Variants in RNF150 observed in about 807,000 individuals in gnomAD.
RNF150 encodes ring finger protein 150.
RNF150 carries 24 observed loss-of-function variants against 39.3 expected under a neutral mutation model. The observed-to-expected ratio is 0.61, with a 90% CI of 0.44 to 0.86. RNF150 has a LOEUF of 0.86. RNF150 is among the 40% of genes least tolerant of loss of function. RNF150 has a pLI of 0.00. For missense variants in RNF150, 502 were observed against 587.8 expected, an observed-to-expected ratio of 0.85 and a Z score of 1.51; for synonymous variants, 255 against 227.3, an observed-to-expected ratio of 1.12 and a Z score of -1.10.
At chr4:140,992,533 A>C (rs1246230977) in intron 1 of RNF150, among the ~76,000 whole-genome samples, 1 of 152,174 alleles carries the variant, frequency 6.6e-6, no homozygotes, top group East Asian at 1.9e-4. Flanking sequence ...CCTTGCTCCC[A>C]CTGCTGTTAG....
intron 5 of RNF150, among the ~76,000 whole-genome samples, chr4:140,924,853 C>T (rs1032197623): frequency 2.6e-5 from 4 of 152,156 alleles, no homozygotes; most frequent in African/African-American, 9.7e-5. Flanking sequence ...GCAAATCATA[C>T]AGCAGGCATG....
intron 1 of RNF150, among the ~76,000 whole-genome samples, chr4:141,088,116 C>G (rs1350636592): frequency 1.3e-5 from 2 of 152,122 alleles, no homozygotes; most frequent in African/African-American, 4.8e-5. Context: ...CATATATAAA[C>G]TGAGATGTCA....
At chr4:141,054,879 A>G (rs750617907) in intron 1 of RNF150, among the ~76,000 whole-genome samples, 20 of 152,206 alleles carry the variant, frequency 1.3e-4, no homozygotes, top group Non-Finnish European at 2.5e-4. Context: ...ACAATCATAC[A>G]GAGTACCAGA....
chr4:141,003,131 C>T (rs1734728334), intron 1 of RNF150, among the ~76,000 whole-genome samples: 1 of 151,978 alleles, frequency 6.6e-6, no homozygotes, highest in Non-Finnish European at 1.5e-5. Context: ...CTACTTATTA[C>T]TTATTGGGCC....
At chr4:140,965,022 CA>C in intron 2 of RNF150, among the ~76,000 whole-genome samples, 1 of 151,990 alleles carries the variant, frequency 6.6e-6, no homozygotes, top group Non-Finnish European at 1.5e-5. Flanking sequence ...AAAATAATGT[CA>C]GCTCTCTACT....
At chr4:141,021,923 T>TGA (rs1187599479) in intron 1 of RNF150, among the ~76,000 whole-genome samples, 1 of 152,142 alleles carries the variant, frequency 6.6e-6, no homozygotes, top group African/African-American at 2.4e-5. Flanking sequence ...AGGGAAAACA[T>TGA]GAGAGTTTAG....
At position 140,954,533 on chromosome 4, in the gene RNF150, T is replaced by C. The variant is rs573882004; in HGVS notation, c.736-5161A>G. The stretch of plus-strand genomic sequence containing the variant: ...AAATCATGCTTCTTACTAAAGCTTG[T>C]TAGGTGTTAGGCCATCGTAATAATT... On this transcript the variant is annotated intron_variant, in intron 2 of 6. Coordinates refer to ENST00000515673, the MANE Select transcript of RNF150 (RefSeq NM_020724.2). Among the ~76,000 whole-genome samples, 3 of 152,284 alleles carry C rather than the reference T, an allele frequency of 2.0e-5. No individual in the cohort carries two copies. The East Asian group carries it at 5.8e-4, about 29-fold the overall frequency.
intron 1 of RNF150, among the ~76,000 whole-genome samples, chr4:141,025,901 A>G (rs556843981): frequency 6.6e-6 from 1 of 152,266 alleles, no homozygotes; most frequent in South Asian, 2.1e-4. Flanking sequence ...CAATGTGATG[A>G]TATTTGGACG....
intron 1 of RNF150, among the ~76,000 whole-genome samples, chr4:141,067,248 C>T (rs1270014581): frequency 6.6e-6 from 1 of 152,084 alleles, no homozygotes; most frequent in East Asian, 1.9e-4. Flanking sequence ...AGTAATTGAA[C>T]TTATCTAAAA....
At chr4:141,112,154 T>G (rs1739405275) in intron 1 of RNF150, among the ~76,000 whole-genome samples, 2 of 152,224 alleles carry the variant, frequency 1.3e-5, no homozygotes, top group African/African-American at 4.8e-5. Context: ...AGATGAGGAC[T>G]ATAATATACA....
chr4:140,944,839 A>G (rs901052228), intron 4 of RNF150: 7 of 152,146 alleles, frequency 4.6e-5, no homozygotes, highest in Non-Finnish European at 1.0e-4. Context: ...AGAGTCTATG[A>G]AGTTCATAGG....
chr4:140,878,164 GTTTTT>G (rs58338048), intron 6 of RNF150, among the ~76,000 whole-genome samples: 7 of 90,510 alleles, frequency 7.7e-5, no homozygotes, highest in African/African-American at 2.4e-4. Context: ...ATCTCATTGT[GTTTTT>G]TTTTTTTTTT....
chr4:141,025,277 A>G (rs190656351), intron 1 of RNF150, among the ~76,000 whole-genome samples: 1 of 152,268 alleles, frequency 6.6e-6, no homozygotes, highest in Non-Finnish European at 1.5e-5. Flanking sequence ...TGAAATGATG[A>G]ATATAGTCAT....
intron 1 of RNF150, among the ~76,000 whole-genome samples, chr4:141,170,443 C>T (rs1727694592): frequency 6.6e-6 from 1 of 152,086 alleles, no homozygotes; most frequent in Admixed American, 6.6e-5. Flanking sequence ...ATTTTTTACA[C>T]AACAGATTAA....
chr4:141,067,792 T>C (rs1464094080), intron 1 of RNF150, among the ~76,000 whole-genome samples: 2 of 152,196 alleles, frequency 1.3e-5, no homozygotes, highest in Non-Finnish European at 2.9e-5. Flanking sequence ...AAAGACTTTT[T>C]ATGTCAAGAT....
chr4:140,937,006 C>T (rs1241128327), intron 4 of RNF150, among the ~76,000 whole-genome samples: 1 of 152,130 alleles, frequency 6.6e-6, no homozygotes, highest in Non-Finnish European at 1.5e-5. Flanking sequence ...AATGAGGTGT[C>T]AATCATTACC....
intron 1 of RNF150, among the ~76,000 whole-genome samples, chr4:141,163,630 C>T (rs961180175): frequency 4.6e-5 from 7 of 152,226 alleles, no homozygotes; most frequent in African/African-American, 1.7e-4. Flanking sequence ...CTTTGCTGTT[C>T]TGCAGCCACT....
chr4:140,883,286 G>A (rs1729443336), intron 6 of RNF150, among the ~76,000 whole-genome samples: 1 of 152,026 alleles, frequency 6.6e-6, no homozygotes, highest in African/African-American at 2.4e-5. Flanking sequence ...AATTAAAAGT[G>A]ATTTATGTAC....
At chr4:141,026,316 A>T (rs1221144575) in intron 1 of RNF150, among the ~76,000 whole-genome samples, 1 of 152,240 alleles carries the variant, frequency 6.6e-6, no homozygotes, top group Admixed American at 6.5e-5. Flanking sequence ...AAGAAAAATG[A>T]GTATATATTG....
Sources: gnomAD v4.1 joint callset for allele counts (sites outside exome capture counted in the v4.1 genomes callset) on GRCh38, gnomAD v4.1.1 for gene constraint, MANE v1.5 for transcripts, NCBI Gene and HGNC (gene_info 2026-07-23, HGNC 2026-07-21) for gene names.